ZNF609: variants seen among roughly 807,000 people sequenced by gnomAD.
ZNF609 encodes the protein zinc finger protein 609.
Under a neutral mutation model 109.5 loss-of-function variants are expected in ZNF609, and 11 were observed. The observed-to-expected ratio is 0.10, with a 90% CI of 0.06 to 0.17. The LOEUF (loss-of-function observed/expected upper bound fraction) is 0.17, where lower values mean the gene tolerates loss of function less well. Among genes scored for constraint, ZNF609 ranks in the 10% least tolerant of loss-of-function variants. The pLI, the probability that ZNF609 is intolerant of heterozygous loss-of-function variation, is 1.00. For missense variants in ZNF609, 1,559 were observed against 1,772.4 expected (o/e 0.88, Z 2.16); for synonymous variants, 646 against 662.0 (o/e 0.98, Z 0.37).
intron 2 of ZNF609, among the ~76,000 whole-genome samples, chr15:64,596,882 T>G (rs1238223157): frequency 6.6e-6 from 1 of 152,170 alleles, no homozygotes; most frequent in Non-Finnish European, 1.5e-5. Context: ...CTCTACTGAC[T>G]GAAAATACGG....
intron 3 of ZNF609, among the ~76,000 whole-genome samples, chr15:64,667,196 A>G (rs1157919556): frequency 3.3e-5 from 5 of 152,230 alleles, no homozygotes; most frequent in Non-Finnish European, 7.3e-5. Context: ...TCAAGGTTAC[A>G]CTATAACAAA....
At chr15:64,542,780 C>T (rs549788347) in intron 2 of ZNF609, among the ~76,000 whole-genome samples, 1 of 152,306 alleles carries the variant, frequency 6.6e-6, no homozygotes, top group East Asian at 1.9e-4. Flanking sequence ...CTTTCTCTGC[C>T]TTAGTTGGAC....
chr15:64,529,286 G>A, intron 2 of ZNF609: 1 of 715,990 alleles, frequency 1.4e-6, no homozygotes, highest in East Asian at 2.7e-5. Flanking sequence ...CAAACATGGG[G>A]GCATCAACAG....
intron 2 of ZNF609, among the ~76,000 whole-genome samples, chr15:64,563,645 G>A (rs915356656): frequency 3.4e-4 from 52 of 151,020 alleles, no homozygotes; most frequent in African/African-American, 7.0e-4. Flanking sequence ...GCATGGTGGC[G>A]CATGCCTGTA....
rs533006765 is a variant in ZNF609, at chr15:64,522,366, T to C, written c.747+22200T>C. 3.3e-5 allele frequency among the ~76,000 whole-genome samples: 5 copies of C among 152,354 alleles called. No homozygotes were observed. The East Asian group carries it at 9.6e-4, about 29-fold the overall frequency. ...CTGGCTGAGATTATTGGTTCAGGAC[T>C]GGCTTGGGCATGATCTATACCTCAT... is the stretch of plus-strand genomic sequence containing the variant. On this transcript the variant is annotated intron_variant, in intron 2 of 9. Transcript: ENST00000326648.
chr15:64,664,145 T>C (rs1896615281), intron 3 of ZNF609, among the ~76,000 whole-genome samples: 1 of 152,092 alleles, frequency 6.6e-6, no homozygotes, highest in South Asian at 2.1e-4. Flanking sequence ...GGAGTATTGC[T>C]TGAGCCTGGG....
At chr15:64,673,895 T>C (rs1896769728) in intron 4 of ZNF609, 21 bp from the exon 5 acceptor site, 2 of 1,596,030 alleles carry the variant, frequency 1.3e-6, no homozygotes, top group South Asian at 1.1e-5. Flanking sequence ...TAATATTCTG[T>C]TGTGTTTATC....
chr15:64,504,802 G>A (rs1162815528), intron 2 of ZNF609, among the ~76,000 whole-genome samples: 1 of 151,840 alleles, frequency 6.6e-6, no homozygotes, highest in Non-Finnish European at 1.5e-5. Flanking sequence ...TTTTAAGGCA[G>A]GGTCTCGCTA....
chr15:64,604,835 A>G (rs543816348), intron 2 of ZNF609, among the ~76,000 whole-genome samples: 1 of 151,718 alleles, frequency 6.6e-6, no homozygotes, highest in African/African-American at 2.4e-5. Context: ...TCATTTATTT[A>G]TTTATTTATT....
intron 3 of ZNF609, among the ~76,000 whole-genome samples, chr15:64,658,863 A>G (rs1213232251): frequency 6.6e-6 from 1 of 152,068 alleles, no homozygotes; most frequent in African/African-American, 2.4e-5. Flanking sequence ...GATATCTACC[A>G]TTTAGGAATT....
rs367943839 is a variant in ZNF609 at position 64,510,205 on chromosome 15, C to T, written c.747+10039C>T. Among the ~76,000 whole-genome samples, 136 of 137,908 alleles carry T rather than the reference C, an allele frequency of 9.9e-4. 1 individual carries two copies. Among genetic ancestry groups the T allele is most frequent in the Middle Eastern group, 7.2e-3 (2 of 278 alleles). 90.5% of individuals were successfully genotyped at this position (137,908 alleles called of 152,430 possible). On this transcript the variant is annotated intron_variant, in intron 2 of 9. Coordinates refer to ENST00000326648, the MANE Select transcript of ZNF609 (RefSeq NM_015042.2). ...CAACACATTGTTATAATTTTTTTTT[C>T]TTTTTTTTTTTTTTTAACAGACAGG... is the stretch of plus-strand genomic sequence containing the variant.
intron 4 of ZNF609, among the ~76,000 whole-genome samples, chr15:64,671,070 C>G (rs1384083859): frequency 6.6e-6 from 1 of 150,606 alleles, no homozygotes; most frequent in South Asian, 2.1e-4. Context: ...ATTAGCCGGG[C>G]GTGGTGGCGA....
intron 2 of ZNF609, among the ~76,000 whole-genome samples, chr15:64,530,035 T>G (rs1894035639): frequency 6.6e-6 from 1 of 150,920 alleles, no homozygotes; most frequent in Non-Finnish European, 1.5e-5. Flanking sequence ...CTGGCCTTGG[T>G]TTTTTTTTAA....
intron 3 of ZNF609, among the ~76,000 whole-genome samples, chr15:64,650,113 C>CA (rs546871709): frequency 0.13 from 10,691 of 85,230 alleles, 962 homozygotes; most frequent in African/African-American, 0.31. Flanking sequence ...GAACCCATCT[C>CA]AAAAAAAAAA....
chr15:64,551,282 C>A (rs1894466713), intron 2 of ZNF609, among the ~76,000 whole-genome samples: 1 of 152,116 alleles, frequency 6.6e-6, no homozygotes, highest in African/African-American at 2.4e-5. Context: ...CTTATGACTT[C>A]TTTTCATTTC....
At chr15:64,504,517 G>T (rs571954488) in intron 2 of ZNF609, among the ~76,000 whole-genome samples, 1 of 152,260 alleles carries the variant, frequency 6.6e-6, no homozygotes, top group East Asian at 1.9e-4. Flanking sequence ...TGTCACCCAG[G>T]CTGGAGTGCA....
intron 2 of ZNF609, among the ~76,000 whole-genome samples, chr15:64,587,880 G>A (rs1251552496): frequency 1.3e-5 from 2 of 151,950 alleles, no homozygotes; most frequent in Non-Finnish European, 2.9e-5. Context: ...ATCAGGCCAG[G>A]CACTGTGGAT....
intron 2 of ZNF609, among the ~76,000 whole-genome samples, chr15:64,589,326 G>A (rs1429213937): frequency 6.6e-6 from 1 of 152,190 alleles, no homozygotes; most frequent in African/African-American, 2.4e-5. Flanking sequence ...GTCAGTGGAT[G>A]AAGCCCTTTT....
At chr15:64,551,520 T>C (rs1301162888) in intron 2 of ZNF609, among the ~76,000 whole-genome samples, 1 of 151,732 alleles carries the variant, frequency 6.6e-6, no homozygotes, top group Non-Finnish European at 1.5e-5. Flanking sequence ...GGCGTGGTAG[T>C]GCATGCCTGT....
Sources: allele counts gnomAD v4.1 joint callset (sites outside exome capture counted in the v4.1 genomes callset), GRCh38; gene constraint gnomAD v4.1.1; transcripts MANE v1.5; gene names NCBI Gene and HGNC (gene_info 2026-07-23, HGNC 2026-07-21).